Variants in LMOD3 observed in about 807,000 individuals in gnomAD.
The protein encoded by LMOD3 is leiomodin 3.
LMOD3 carries 31 observed loss-of-function variants against 41.8 expected under a neutral mutation model. The ratio of observed to expected loss-of-function variants is 0.74; its 90% CI spans 0.56 to 1.00. The LOEUF is 1.00. Ranked by LOEUF, LMOD3 falls within the 50% of genes least tolerant of loss-of-function variation. The pLI is 0.00. For synonymous variants in LMOD3, 292 were observed against 241.9 expected (o/e 1.21, Z -1.92); for missense variants, 755 against 679.5 (o/e 1.11, Z -1.23).
chr3:69,112,260 G>T (rs977787668), intron 2 of LMOD3, among the ~76,000 whole-genome samples: 1 of 152,204 alleles, frequency 6.6e-6, no homozygotes. Flanking sequence ...ACACTCAGAG[G>T]CTTGGAGGCA....
chr3:69,122,467 A>G lies in LMOD3; in HGVS notation c.-81T>C. 9.1e-7 allele frequency: 1 copy of G among 1,103,790 alleles called. No individual in the cohort carries two copies. The highest frequency in any genetic ancestry group is 1.3e-6 in the Non-Finnish European group (1 of 790,360). 68.4% of individuals were successfully genotyped at this position (1,103,790 alleles called of 1,614,324 possible). A position where few individuals can be genotyped will look rare whatever the true frequency, so the allele number is the denominator to read the frequency against. ...AAAAAGAAGGAAAAAAGCCTCAAGA[A>G]GGTCCCCCAGTTAACGAGTGTCCCA... On this transcript the variant is annotated 5_prime_UTR_variant, in exon 1 of 3. Coordinates refer to ENST00000420581, the MANE Select transcript of LMOD3 (RefSeq NM_198271.5).
chr3:69,110,757 T>C (rs1284681983), intron 2 of LMOD3, among the ~76,000 whole-genome samples: 6 of 144,768 alleles, frequency 4.1e-5, no homozygotes, highest in Non-Finnish European at 7.5e-5. Context: ...GCAGGAGAAT[T>C]GCTTGAACCC....
intron 2 of LMOD3, among the ~76,000 whole-genome samples, chr3:69,114,501 G>A (rs1050707814): frequency 3.3e-5 from 5 of 152,174 alleles, no homozygotes; most frequent in Non-Finnish European, 7.3e-5. Flanking sequence ...GGTAGGGAGA[G>A]AATAAGCATT....
chr3:69,119,884 G>C lies in LMOD3; in HGVS notation c.471C>G (p.Asp157Glu), dbSNP rs568706767. The part of the protein sequence containing the change: ...DEEEEDDDDD[D>E]EGEDDGEESE... Reference sequence around the variant, plus strand: ...TCTCTTCACCATCATCTTCTCCTTCGTCGTCATCATCATCATCTTCTTCTT... The same window carrying C: ...TCTCTTCACCATCATCTTCTCCTTCCTCGTCATCATCATCATCTTCTTCTT... The change falls in exon 2 of 3, where the codon GAC becomes GAG. Residue 157 changes from aspartate (D) to glutamate (E), a missense_variant. Coordinates refer to ENST00000420581, the MANE Select transcript of LMOD3 (RefSeq NM_198271.5). 3.7e-5 allele frequency: 57 copies of C among 1,548,500 alleles called. No homozygotes were observed. The highest frequency in any genetic ancestry group is 4.6e-5 in the Non-Finnish European group (52 of 1,142,420).
At chr3:69,112,471 G>A (rs1343165855) in intron 2 of LMOD3, among the ~76,000 whole-genome samples, 1 of 152,232 alleles carries the variant, frequency 6.6e-6, no homozygotes, top group Non-Finnish European at 1.5e-5. Context: ...CAGAATGTGG[G>A]AGGTGCTATA....
At chr3:69,109,388 G>A (rs886195645) in intron 2 of LMOD3, among the ~76,000 whole-genome samples, 8 of 152,094 alleles carry the variant, frequency 5.3e-5, no homozygotes, top group African/African-American at 1.9e-4. Flanking sequence ...GCCTAAGTTG[G>A]CCTGGGTTCA....
chr3:69,119,559 T>G lies in LMOD3; in HGVS notation c.796A>C (p.Ile266Leu), dbSNP rs1039320381. The change falls in exon 2 of 3, where the codon ATC becomes CTC. Residue 266 changes from isoleucine (I) to leucine (L), a missense_variant. Coordinates refer to ENST00000420581, the MANE Select transcript of LMOD3 (RefSeq NM_198271.5). ...KELNLNNIENIPKEMLLDFVN... is the reference protein window; with the variant it reads ...KELNLNNIENLPKEMLLDFVN... Reference sequence around the variant, plus strand: ...AAGTCCAGTAACATTTCTTTGGGGATGTTTTCAATGTTGTTCAGGTTGAGT... The same window carrying G: ...AAGTCCAGTAACATTTCTTTGGGGAGGTTTTCAATGTTGTTCAGGTTGAGT... 2 of 1,613,804 alleles carry G rather than the reference T, an allele frequency of 1.2e-6. No individual in the cohort carries two copies. Among genetic ancestry groups the G allele is most frequent in the African/African-American group, 1.3e-5 (1 of 74,938 alleles).
rs771888975 is a variant in LMOD3 at position 69,118,775 on chromosome 3, G to A, written c.1580C>T (p.Pro527Leu). 6.2e-7 allele frequency: 1 copy of A among 1,611,994 alleles called. No homozygotes were observed. The highest frequency in any genetic ancestry group is 2.2e-5 in the East Asian group (1 of 44,808). Residue 527 changes from proline to leucine, a missense_variant, in exon 2 of 3, where the codon CCC becomes CTC. Transcript: ENST00000420581. ...TCTGGGAGTGATTTCCACCAATGGGGGTGGCCTGTTTCTCGGCACTGGCTT... is the reference window on the plus strand; with the variant it reads ...TCTGGGAGTGATTTCCACCAATGGGAGTGGCCTGTTTCTCGGCACTGGCTT... ...TLKPVPRNRPPPLVEITPRDQ... is the reference protein window; with the variant it reads ...TLKPVPRNRPLPLVEITPRDQ...
chr3:69,119,780 G>A lies in LMOD3; in HGVS notation c.575C>T (p.Thr192Ile), dbSNP rs1408867451. Residue 192 changes from threonine to isoleucine, a missense_variant, in exon 2 of 3, where the codon ACT becomes ATT. By Grantham distance (89) the Thr-to-Ile change is moderately conservative. Transcript: ENST00000420581. Reference sequence around the variant, plus strand: ...TCTCTGTTCTTTGAATGCTTTGTCAGTTACCTGCTGGCAGTTGTTCTCACA... The same window carrying A: ...TCTCTGTTCTTTGAATGCTTTGTCAATTACCTGCTGGCAGTTGTTCTCACA... ...RNCENNCQQV[T>I]DKAFKEQRDR... The A allele has an allele frequency of 6.2e-6, 10 of 1,611,498 alleles. No homozygotes were observed. Among genetic ancestry groups the A allele is most frequent in the Non-Finnish European group, 7.6e-6 (9 of 1,178,594 alleles).
chr3:69,106,746 G>C lies in LMOD3; in HGVS notation c.*2349C>G, dbSNP rs1415061151. On this transcript the variant is annotated 3_prime_UTR_variant, in exon 3 of 3. Coordinates refer to ENST00000420581, the MANE Select transcript of LMOD3 (RefSeq NM_198271.5). The stretch of plus-strand genomic sequence containing the variant: ...TCGCTCTTGTTGCCCAGGCTGGAGT[G>C]CAATGGTGCAATCTCAGCTCACTGC... 7.3e-5 allele frequency: 11 copies of C among 149,810 alleles called. No homozygotes were observed. The highest frequency in any genetic ancestry group is 6.7e-5 in the Admixed American group (1 of 15,008). 9.3% of individuals were successfully genotyped at this position (149,810 alleles called of 1,614,324 possible). A position where few individuals can be genotyped will look rare whatever the true frequency, so the allele number is the denominator to read the frequency against.
At chr3:69,111,277 T>C (rs1269479939) in intron 2 of LMOD3, among the ~76,000 whole-genome samples, 1 of 152,200 alleles carries the variant, frequency 6.6e-6, no homozygotes, top group Non-Finnish European at 1.5e-5. Context: ...GATGTGCTGC[T>C]GCCTGCCAGC....
chr3:69,120,416 C>A (rs1420991849), intron 1 of LMOD3, among the ~76,000 whole-genome samples: 1 of 151,542 alleles, frequency 6.6e-6, no homozygotes, highest in Non-Finnish European at 1.5e-5. Flanking sequence ...TGAGTTAGGG[C>A]AATAATTTCC....
rs2092330070 is a variant in LMOD3 at position 69,107,786 on chromosome 3, A to AT, written c.*1308dup. On this transcript the variant is annotated 3_prime_UTR_variant, in exon 3 of 3. Transcript: ENST00000420581. The stretch of plus-strand genomic sequence containing the variant: ...GCCACCGCACCTGGCCCAAAGCTTG[A>AT]TTTTCTAATTTCTAGGGTTCACACT... 1 of 151,866 alleles carries AT rather than the reference A, an allele frequency of 6.6e-6. No individual in the cohort carries two copies. Among genetic ancestry groups the AT allele is most frequent in the African/African-American group, 2.4e-5 (1 of 41,334 alleles). The allele number at this position is 151,866 out of a possible 1,614,324, so 9.4% of individuals were successfully genotyped here.
intron 2 of LMOD3, among the ~76,000 whole-genome samples, chr3:69,114,080 C>T (rs981462574): frequency 6.6e-6 from 1 of 152,018 alleles, no homozygotes; most frequent in Admixed American, 6.6e-5. Context: ...GTGAAGCATG[C>T]CAGGTACAAA....
In LMOD3 at chr3:69,122,511, ATAT is replaced by A. The variant is rs2092413783; in HGVS notation, c.-128_-126del. ...TGTCCCAAGTTAACACACCCTTGAGATATTTTTTTTTTTTTCCCAGGAACCTCA... is the reference window on the plus strand; with the variant it reads ...TGTCCCAAGTTAACACACCCTTGAGATTTTTTTTTTTTCCCAGGAACCTCA... On this transcript the variant is annotated 5_prime_UTR_variant, in exon 1 of 3. Coordinates refer to ENST00000420581, the MANE Select transcript of LMOD3 (RefSeq NM_198271.5). 9.5e-6 allele frequency: 7 copies of A among 736,310 alleles called. No individual in the cohort carries two copies. The South Asian group carries it at 1.4e-4, about 15-fold the overall frequency. 45.6% of individuals were successfully genotyped at this position (736,310 alleles called of 1,614,324 possible). A position where few individuals can be genotyped will look rare whatever the true frequency, so the allele number is the denominator to read the frequency against.
rs143378782 is a variant in LMOD3, at chr3:69,115,386, G to A, written c.1656+3313C>T. On this transcript the variant is annotated intron_variant, in intron 2 of 2. Transcript: ENST00000420581. ...GGTCCCAGCTACTCAGGAGTCTGAG[G>A]TGGGAGGATCACTTGAGCCCTGGAG... Among the ~76,000 whole-genome samples the A allele has an allele frequency of 2.5e-3, 386 of 152,014 alleles. 1 individual carries two copies. The highest frequency in any genetic ancestry group is 9.0e-3 in the African/African-American group (375 of 41,472).
chr3:69,122,000 C>T (rs2092409670), intron 1 of LMOD3, 93 bp downstream of exon 1: 2 of 1,044,156 alleles, frequency 1.9e-6, no homozygotes, highest in Non-Finnish European at 2.8e-6. Context: ...CAGAACCAAA[C>T]CCTGGAGTCT....
chr3:69,109,392 G>T (rs2092337695), intron 2 of LMOD3, among the ~76,000 whole-genome samples: 1 of 152,092 alleles, frequency 6.6e-6, no homozygotes. Flanking sequence ...AAGTTGGCCT[G>T]GGTTCAAAGA....
intron 2 of LMOD3, among the ~76,000 whole-genome samples, chr3:69,113,329 C>T (rs745449936): frequency 1.3e-5 from 2 of 151,942 alleles, no homozygotes; most frequent in Non-Finnish European, 2.9e-5. Flanking sequence ...GGGAATTGTT[C>T]TAGATTATGT....
Sources: gnomAD v4.1 joint callset for allele counts (sites outside exome capture counted in the v4.1 genomes callset) on GRCh38, gnomAD v4.1.1 for gene constraint, MANE v1.5 for transcripts, NCBI Gene and HGNC (gene_info 2026-07-23, HGNC 2026-07-21) for gene names.